KRT8: variants seen among roughly 807,000 people sequenced by gnomAD.
KRT8 encodes keratin, type II cytoskeletal 8.
A neutral mutation model predicts 43.0 loss-of-function variants in KRT8; 24 were observed. That is an observed-to-expected ratio of 0.56 (90% CI 0.40 to 0.78). The LOEUF is 0.78. Among genes scored for constraint, KRT8 ranks in the 30% least tolerant of loss-of-function variants. The pLI, the probability that KRT8 is intolerant of heterozygous loss-of-function variation, is 0.00. For missense variants in KRT8, 492 were observed against 638.4 expected (o/e 0.77, Z 2.47); for synonymous variants, 214 against 261.2 (o/e 0.82, Z 1.74).
At chr12:52,899,792 C>G (rs1941316717) in exon 5 of KRT8, 1 of 1,611,744 alleles carries the variant, frequency 6.2e-7, no homozygotes, top group African/African-American at 1.3e-5. Context: ...TTGAGGCCCT[C>G]AATCTCAGCC....
chr12:52,899,319 A>C (rs570098257), intron 5 of KRT8, among the ~76,000 whole-genome samples: 1 of 152,052 alleles, frequency 6.6e-6, no homozygotes, highest in African/African-American at 2.4e-5. Flanking sequence ...TGTCTCAAAA[A>C]TAAATAAATA....
chr12:52,927,082 C>T (rs1475750709), intron 2 of KRT8, among the ~76,000 whole-genome samples: 1 of 152,170 alleles, frequency 6.6e-6, no homozygotes, highest in Non-Finnish European at 1.5e-5. Flanking sequence ...CAAGGATTCC[C>T]CCCAAGGGAG....
At chr12:52,907,875 A>G (rs1941555372), upstream of KRT8, among the ~76,000 whole-genome samples, 1 of 152,222 alleles carries the variant, frequency 6.6e-6, no homozygotes, top group African/African-American at 2.4e-5. Context: ...CCAAGTGGTG[A>G]GGGAAGAGAG....
chr12:52,924,017 G>A (rs1053267970), intron 2 of KRT8, among the ~76,000 whole-genome samples: 2 of 151,576 alleles, frequency 1.3e-5, no homozygotes, highest in Admixed American at 6.6e-5. Flanking sequence ...GCTAATTTTC[G>A]TATTTTTTCA....
chr12:52,934,518 C>A lies in KRT8; in HGVS notation c.-47+14938G>T, dbSNP rs181623034. On this transcript the variant is annotated intron_variant, in intron 2 of 6. Transcript: ENST00000546826. ...GAGGTTGGAGTGAGCTGAGATCAAG[C>A]CATTGCACTCCAATCTGGTGACAGA... 2.6e-5 allele frequency among the ~76,000 whole-genome samples: 4 copies of A among 152,186 alleles called. No individual in the cohort carries two copies. The East Asian group carries it at 5.8e-4, about 22-fold the overall frequency.
At chr12:52,936,259 C>CAA (rs201578259) in intron 2 of KRT8, among the ~76,000 whole-genome samples, 3 of 148,506 alleles carry the variant, frequency 2.0e-5, no homozygotes, top group Admixed American at 1.3e-4. Flanking sequence ...CTAAAAAAAA[C>CAA]AAAAAAAAAA....
At chr12:52,938,171 T>TACA (rs1350561374) in intron 2 of KRT8, among the ~76,000 whole-genome samples, 2 of 29,794 alleles carry the variant, frequency 6.7e-5, no homozygotes, top group African/African-American at 3.3e-4. Flanking sequence ...TATATATATA[T>TACA]TTTTTTTTTT....
chr12:52,921,855 T>A (rs1233920175), intron 2 of KRT8, among the ~76,000 whole-genome samples: 1 of 152,102 alleles, frequency 6.6e-6, no homozygotes, highest in African/African-American at 2.4e-5. Context: ...TGGAGAACAC[T>A]GAGCCTCAGG....
chr12:52,943,252 G>T (rs762119639), intron 2 of KRT8, among the ~76,000 whole-genome samples: 3 of 151,994 alleles, frequency 2.0e-5, no homozygotes, highest in Non-Finnish European at 4.4e-5. Flanking sequence ...CCTCCACTTG[G>T]TCCTCTCTCT....
chr12:52,897,566 G>A, exon 8 of KRT8: 1 of 1,598,262 alleles, frequency 6.3e-7, no homozygotes, highest in Non-Finnish European at 8.5e-7. Flanking sequence ...TGGAGCCCAG[G>A]CTGTAGCTGA....
At chr12:52,926,501 G>T in intron 2 of KRT8, 1 of 1,522,778 alleles carries the variant, frequency 6.6e-7, no homozygotes, top group Non-Finnish European at 8.8e-7. Flanking sequence ...TCCCCACAAA[G>T]CCTGCCCCAG....
chr12:52,916,342 A>C (rs1416209392), intron 2 of KRT8, among the ~76,000 whole-genome samples: 2 of 152,204 alleles, frequency 1.3e-5, no homozygotes, highest in African/African-American at 4.8e-5. Flanking sequence ...GATGGACTCA[A>C]GCTAGAACCA....
intron 7 of KRT8, 135 bp downstream of exon 7, chr12:52,898,326 A>T: frequency 2.7e-6 from 2 of 731,750 alleles, no homozygotes; most frequent in South Asian, 3.1e-5. Flanking sequence ...GTGCCTCCCC[A>T]CCCTAGGATT....
rs546891635 is a variant in KRT8 at position 52,926,577 on chromosome 12, G to A, written c.-46-21550C>T. On this transcript the variant is annotated intron_variant, in intron 2 of 6. Coordinates refer to the KRT8 transcript ENST00000546826. Reference sequence around the variant, plus strand: ...GAATAGGGCTTTGTTACACCCCTGGGCTGGGTTACACTTGCTGTGGGCATG... The same window carrying A: ...GAATAGGGCTTTGTTACACCCCTGGACTGGGTTACACTTGCTGTGGGCATG... 9.7e-5 allele frequency: 88 copies of A among 904,078 alleles called. 1 individual carries two copies. In the African/African-American group the frequency reaches 1.3e-3, roughly 13 times the overall value. 56.0% of individuals were successfully genotyped at this position (904,078 alleles called of 1,614,324 possible).
chr12:52,948,981 GGGCCCGGGGCGGAGC>G (rs1400362563), intron 2 of KRT8: 10 of 477,884 alleles, frequency 2.1e-5, no homozygotes, highest in Middle Eastern at 5.3e-4. Context: ...CGCGGGGGTG[GGGCCCGGGGCGGAGC>G]GGCCCGGGGC....
chr12:52,909,110 G>T (rs1247119533), upstream of KRT8, among the ~76,000 whole-genome samples: 4 of 152,190 alleles, frequency 2.6e-5, no homozygotes, highest in Non-Finnish European at 4.4e-5. Flanking sequence ...TCAGATTGTT[G>T]AATTATATTG....
chr12:52,933,178 T>C (rs1414271790), intron 2 of KRT8, among the ~76,000 whole-genome samples: 1 of 152,166 alleles, frequency 6.6e-6, no homozygotes, highest in African/African-American at 2.4e-5. Context: ...ACTCCTGACC[T>C]CAGGCAATCT....
At chr12:52,938,019 G>T (rs1942196583) in intron 2 of KRT8, among the ~76,000 whole-genome samples, 1 of 146,230 alleles carries the variant, frequency 6.8e-6, no homozygotes, top group African/African-American at 2.5e-5. Context: ...AAAAAAAGTT[G>T]CCAAAAATAA....
chr12:52,945,635 G>T (rs1292121804), intron 2 of KRT8, among the ~76,000 whole-genome samples: 4 of 152,088 alleles, frequency 2.6e-5, no homozygotes, highest in Non-Finnish European at 5.9e-5. Context: ...CACCCCTATC[G>T]GGTCATCTCT....
Sources: gnomAD v4.1 joint callset for allele counts (sites outside exome capture counted in the v4.1 genomes callset) on GRCh38, gnomAD v4.1.1 for gene constraint, MANE v1.5 for transcripts, NCBI Gene and HGNC (gene_info 2026-07-23, HGNC 2026-07-21) for gene names.